Variants in SLC25A48 observed in about 807,000 individuals in gnomAD.
SLC25A48 encodes solute carrier family 25 member 48, also known as CTC-321K16.1.
Under a neutral mutation model 32.2 loss-of-function variants are expected in SLC25A48, and 29 were observed. The ratio of observed to expected loss-of-function variants is 0.90; its 90% CI spans 0.67 to 1.23. The LOEUF (loss-of-function observed/expected upper bound fraction) is 1.23, where lower values mean the gene tolerates loss of function less well. Ranked by LOEUF, SLC25A48 falls within the 50% of genes most tolerant of loss-of-function variation. SLC25A48 has a pLI of 0.00. For missense variants in SLC25A48, 399 were observed against 422.7 expected, an observed-to-expected ratio of 0.94 and a Z score of 0.49; for synonymous variants, 164 against 172.3, an observed-to-expected ratio of 0.95 and a Z score of 0.38.
At chr5:135,770,458 T>C (rs1231587579) in intron 3 of SLC25A48, among the ~76,000 whole-genome samples, 1 of 151,660 alleles carries the variant, frequency 6.6e-6, no homozygotes, top group African/African-American at 2.4e-5. Flanking sequence ...GTTTCTAATA[T>C]CCATAGGCGG....
At chr5:135,731,254 T>A (rs1369434031) in intron 3 of SLC25A48, among the ~76,000 whole-genome samples, 1 of 152,144 alleles carries the variant, frequency 6.6e-6, no homozygotes, top group African/African-American at 2.4e-5. Context: ...CACAAGGCAG[T>A]GTCATCAGTT....
rs150917782 is a variant in SLC25A48, at chr5:135,716,025, C to G, written c.-521+81069C>G. Among the ~76,000 whole-genome samples the G allele has an allele frequency of 2.4e-3, 362 of 152,290 alleles. 2 individuals are homozygous for G. Among genetic ancestry groups the G allele is most frequent in the African/African-American group, 8.5e-3 (352 of 41,562 alleles). On this transcript the variant is annotated intron_variant, in intron 3 of 10. Transcript: ENST00000646290. Reference sequence around the variant, plus strand: ...TCTAGCACTAATAACTGCCAGTTATCCAGAAGTGCAGTTTCCAAGGGTTTC... The same window carrying G: ...TCTAGCACTAATAACTGCCAGTTATGCAGAAGTGCAGTTTCCAAGGGTTTC...
At chr5:135,681,837 A>G (rs772215171) in intron 3 of SLC25A48, among the ~76,000 whole-genome samples, 2 of 152,148 alleles carry the variant, frequency 1.3e-5, no homozygotes, top group East Asian at 1.9e-4. Flanking sequence ...TGAATGTGCT[A>G]TCTGATGCCC....
chr5:135,597,732 A>G (rs887464246), intron 1 of SLC25A48, among the ~76,000 whole-genome samples: 4 of 152,190 alleles, frequency 2.6e-5, no homozygotes, highest in African/African-American at 9.7e-5. Flanking sequence ...AGCTGGGTGC[A>G]GTGGCTCACG....
chr5:135,583,793 T>C (rs1013344542), intron 1 of SLC25A48, among the ~76,000 whole-genome samples: 13 of 152,160 alleles, frequency 8.5e-5, no homozygotes, highest in Admixed American at 1.3e-4. Flanking sequence ...TGGCTCTGAA[T>C]CCAAGCCTGG....
chr5:135,765,991 C>T (rs1756209835), intron 3 of SLC25A48, among the ~76,000 whole-genome samples: 1 of 131,018 alleles, frequency 7.6e-6, no homozygotes, highest in Non-Finnish European at 1.8e-5. Context: ...TTCTAGTATC[C>T]AAGGCGGGAG....
chr5:135,758,104 C>T (rs1755966159), intron 3 of SLC25A48, among the ~76,000 whole-genome samples: 2 of 150,134 alleles, frequency 1.3e-5, no homozygotes. Flanking sequence ...AATAGAATAT[C>T]ATCTGTATAT....
intron 3 of SLC25A48, among the ~76,000 whole-genome samples, chr5:135,671,478 T>A (rs563228727): frequency 6.6e-6 from 1 of 152,306 alleles, no homozygotes; most frequent in Non-Finnish European, 1.5e-5. Flanking sequence ...TCCTCTTTTG[T>A]CTTCCTGAAG....
At chr5:135,700,269 G>A (rs1754359871) in intron 3 of SLC25A48, among the ~76,000 whole-genome samples, 2 of 149,024 alleles carry the variant, frequency 1.3e-5, no homozygotes, top group Admixed American at 1.4e-4. Context: ...CTACTTGGGA[G>A]GCTGAGACAG....
intron 3 of SLC25A48, among the ~76,000 whole-genome samples, chr5:135,799,572 C>G (rs1419904148): frequency 6.6e-6 from 1 of 151,492 alleles, no homozygotes; most frequent in Non-Finnish European, 1.5e-5. Flanking sequence ...TTCCTAATAT[C>G]CAGGTGGGGA....
At chr5:135,729,894 A>G (rs1481908262) in intron 3 of SLC25A48, among the ~76,000 whole-genome samples, 2 of 152,190 alleles carry the variant, frequency 1.3e-5, no homozygotes, top group Non-Finnish European at 2.9e-5. Flanking sequence ...GTAAAAATAA[A>G]TAAAAGGGGT....
chr5:135,655,507 T>G (rs1278630380), intron 3 of SLC25A48, among the ~76,000 whole-genome samples: 1 of 152,070 alleles, frequency 6.6e-6, no homozygotes, highest in East Asian at 1.9e-4. Context: ...CTCCACTGGA[T>G]TGTATCTTCC....
intron 3 of SLC25A48, among the ~76,000 whole-genome samples, chr5:135,791,838 T>C (rs1757038067): frequency 6.6e-6 from 1 of 151,524 alleles, no homozygotes; most frequent in African/African-American, 2.4e-5. Context: ...GTGCACCTTG[T>C]GATATTATTC....
intron 3 of SLC25A48, among the ~76,000 whole-genome samples, chr5:135,755,502 C>T (rs557717855): frequency 5.9e-5 from 9 of 151,470 alleles, no homozygotes; most frequent in South Asian, 2.1e-4. Flanking sequence ...AGTGTTGATG[C>T]GCTATGGTAT....
chr5:135,816,533 A>C, intron 4 of SLC25A48, among the ~76,000 whole-genome samples: 1 of 152,226 alleles, frequency 6.6e-6, no homozygotes, highest in Admixed American at 6.5e-5. Context: ...ATCTTTACAT[A>C]GGGATGATCA....
chr5:135,817,243 A>G (rs772580274), intron 4 of SLC25A48, among the ~76,000 whole-genome samples: 2 of 152,216 alleles, frequency 1.3e-5, no homozygotes, highest in African/African-American at 4.8e-5. Context: ...GCTGCTAAAC[A>G]TCCAACAGTG....
At chr5:135,851,583 T>G (rs1369660206) in intron 3 of SLC25A48, among the ~76,000 whole-genome samples, 3 of 135,120 alleles carry the variant, frequency 2.2e-5, no homozygotes, top group East Asian at 2.2e-4. Context: ...TGTGTGTGTG[T>G]GCATACGTGT....
chr5:135,754,719 A>G (rs1202799368), intron 3 of SLC25A48, among the ~76,000 whole-genome samples: 3 of 152,012 alleles, frequency 2.0e-5, no homozygotes, highest in Non-Finnish European at 4.4e-5. Context: ...TTGTTTACAC[A>G]CTGTGATATT....
chr5:135,884,545 G>T (rs141288285), intron 7 of SLC25A48, among the ~76,000 whole-genome samples: 2 of 152,252 alleles, frequency 1.3e-5, no homozygotes, highest in East Asian at 3.9e-4. Flanking sequence ...GACTCCAGTG[G>T]CATGTCATTC....
Sources: allele counts gnomAD v4.1 joint callset (sites outside exome capture counted in the v4.1 genomes callset), GRCh38; gene constraint gnomAD v4.1.1; transcripts MANE v1.5; gene names NCBI Gene and HGNC (gene_info 2026-07-23, HGNC 2026-07-21).